The following SLC25A21 variants were observed in gnomAD, a reference collection of about 807,000 sequenced individuals.
The protein encoded by SLC25A21 is solute carrier family 25 member 21, also known as mitochondrial 2-oxodicarboxylate carrier.
A neutral mutation model predicts 43.8 loss-of-function variants in SLC25A21; 47 were observed. That is an observed-to-expected ratio of 1.07 (90% CI 0.85 to 1.37). The LOEUF is 1.37. SLC25A21 is among the 40% of genes most tolerant of loss of function. The probability of loss-of-function intolerance (pLI) is 0.00; values close to 1 mark genes in which losing one functional copy is unlikely to be tolerated. For synonymous variants in SLC25A21, 131 were observed against 121.3 expected (o/e 1.08, Z -0.52); for missense variants, 352 against 350.2 (o/e 1.00, Z -0.04).
At chr14:36,768,973 A>ATATCTATATCTG (rs1566593960) in intron 3 of SLC25A21, among the ~76,000 whole-genome samples, 6 of 148,470 alleles carry the variant, frequency 4.0e-5, no homozygotes, top group East Asian at 4.1e-4. Context: ...ATCTATATCT[A>ATATCTATATCTG]TATCTATATC....
chr14:36,750,742 T>G (rs148743055), intron 3 of SLC25A21, among the ~76,000 whole-genome samples: 1 of 152,318 alleles, frequency 6.6e-6, no homozygotes, highest in African/African-American at 2.4e-5. Context: ...TCTATCACGC[T>G]AATGAAGTAG....
chr14:36,701,872 C>G (rs1654942109), intron 7 of SLC25A21, among the ~76,000 whole-genome samples: 1 of 152,084 alleles, frequency 6.6e-6, no homozygotes, highest in Admixed American at 6.6e-5. Context: ...AACTAGCAAG[C>G]CAGGTTCCCA....
chr14:36,950,864 A>G (rs960573078), intron 1 of SLC25A21, among the ~76,000 whole-genome samples: 1 of 152,218 alleles, frequency 6.6e-6, no homozygotes, highest in Non-Finnish European at 1.5e-5. Flanking sequence ...CTAGCTGAAG[A>G]AATGAGCCAG....
At chr14:37,111,151 C>T (rs1294178553) in intron 1 of SLC25A21, among the ~76,000 whole-genome samples, 3 of 152,062 alleles carry the variant, frequency 2.0e-5, no homozygotes, top group Non-Finnish European at 4.4e-5. Flanking sequence ...GGTTTCTAAA[C>T]TTTTGTTAGA....
At chr14:37,154,005 C>T (rs1453321273) in intron 1 of SLC25A21, among the ~76,000 whole-genome samples, 3 of 152,174 alleles carry the variant, frequency 2.0e-5, no homozygotes, top group African/African-American at 4.8e-5. Context: ...ATTGAAAACA[C>T]ACTCTATGAC....
chr14:36,864,037 T>A (rs1209788625), intron 2 of SLC25A21, among the ~76,000 whole-genome samples: 2 of 152,206 alleles, frequency 1.3e-5, no homozygotes, highest in Non-Finnish European at 2.9e-5. Flanking sequence ...CTTCATAGGG[T>A]CATGGCCTAT....
chr14:37,077,761 T>C (rs1962310164), intron 1 of SLC25A21, among the ~76,000 whole-genome samples: 1 of 152,156 alleles, frequency 6.6e-6, no homozygotes, highest in Admixed American at 6.5e-5. Flanking sequence ...AGAATATTAA[T>C]ATAATGGTCA....
chr14:37,118,514 T>C (rs1035909403), intron 1 of SLC25A21, among the ~76,000 whole-genome samples: 5 of 152,214 alleles, frequency 3.3e-5, no homozygotes, highest in Non-Finnish European at 7.3e-5. Context: ...TCTTTCTCTA[T>C]TGCAGTTCCC....
intron 5 of SLC25A21, 114 bp downstream of exon 5, chr14:36,729,393 T>A (rs1884728726): frequency 2.5e-6 from 2 of 801,876 alleles, no homozygotes; most frequent in South Asian, 4.2e-5. Context: ...GAACACTGAA[T>A]AACTCGAATT....
At chr14:37,085,541 G>A (rs1594785586) in intron 1 of SLC25A21, among the ~76,000 whole-genome samples, 1 of 152,278 alleles carries the variant, frequency 6.6e-6, no homozygotes, top group East Asian at 1.9e-4. Flanking sequence ...TCTCAGCAGA[G>A]TATTTCCTGT....
chr14:37,147,845 T>TTTTC (rs1491155159), intron 1 of SLC25A21, among the ~76,000 whole-genome samples: 1 of 1,508 alleles, frequency 6.6e-4, no homozygotes, highest in South Asian at 0.25. Context: ...TTTTCTTTTC[T>TTTTC]TTTTTTTTTT....
chr14:36,856,947 C>G (rs1889918123), intron 2 of SLC25A21, among the ~76,000 whole-genome samples: 1 of 152,216 alleles, frequency 6.6e-6, no homozygotes, highest in African/African-American at 2.4e-5. Context: ...AAGCTCACTG[C>G]TGGTGCAAAA....
chr14:36,955,716 T>G (rs1354031901), intron 1 of SLC25A21, among the ~76,000 whole-genome samples: 2 of 146,294 alleles, frequency 1.4e-5, no homozygotes, highest in African/African-American at 5.0e-5. Flanking sequence ...AAGGAATACA[T>G]AGGCCTAAGG....
At position 36,684,878 on chromosome 14, in the gene SLC25A21, C is replaced by G. The variant is rs755075132; in HGVS notation, c.651G>C (p.Ser217=). Residue 217 remains serine, a synonymous_variant, in exon 8 of 10, where the codon TCG becomes TCC. Coordinates refer to ENST00000331299, the MANE Select transcript of SLC25A21 (RefSeq NM_030631.4). The part of the protein sequence containing the change: ...FWRKFGIGLL[S]GTIASVINIP... ...TGTTAATGACTGAGGCTATTGTCCC[C>G]GAGAGAAGACCAATCCCAAATTTTC... is the stretch of plus-strand genomic sequence containing the variant. The G allele has an allele frequency of 1.9e-6, 3 of 1,612,376 alleles. No homozygotes were observed. In the African/African-American group the frequency reaches 4.0e-5, roughly 22 times the overall value.
intron 4 of SLC25A21, among the ~76,000 whole-genome samples, chr14:36,730,589 T>C (rs1474120434): frequency 1.3e-5 from 2 of 152,238 alleles, no homozygotes; most frequent in African/African-American, 4.8e-5. Context: ...TCCTTATAGA[T>C]GGCTTCAGTG....
chr14:36,839,069 A>C (rs1889300740), intron 2 of SLC25A21, among the ~76,000 whole-genome samples: 1 of 152,218 alleles, frequency 6.6e-6, no homozygotes, highest in Non-Finnish European at 1.5e-5. Context: ...TGTTTCTTTT[A>C]AAGGAGTCAC....
At chr14:36,992,700 T>C (rs1398737781) in intron 1 of SLC25A21, among the ~76,000 whole-genome samples, 1 of 152,200 alleles carries the variant, frequency 6.6e-6, no homozygotes. Flanking sequence ...GGAACTTGTT[T>C]TGCCATAGAT....
chr14:37,020,386 T>TC (rs1345108799), intron 1 of SLC25A21, among the ~76,000 whole-genome samples: 1 of 151,410 alleles, frequency 6.6e-6, no homozygotes, highest in Non-Finnish European at 1.5e-5. Context: ...ACTTAGTATT[T>TC]CCCATTTAGA....
In SLC25A21 at chr14:36,894,395, C is replaced by G. The variant is rs1417568588; in HGVS notation, c.71-19391G>C. Among the ~76,000 whole-genome samples the G allele has an allele frequency of 3.9e-5, 6 of 152,226 alleles. No individual in the cohort carries two copies. In the South Asian group the frequency reaches 1.2e-3, roughly 32 times the overall value. ...GATTTTTGCACATGGATTTTGTATC[C>G]TGAGATTTTGCTGAATTTGCCTATC... On this transcript the variant is annotated intron_variant, in intron 1 of 9. Coordinates refer to ENST00000331299, the MANE Select transcript of SLC25A21 (RefSeq NM_030631.4).
Sources: gnomAD v4.1 joint callset for allele counts (sites outside exome capture counted in the v4.1 genomes callset) on GRCh38, gnomAD v4.1.1 for gene constraint, MANE v1.5 for transcripts, NCBI Gene and HGNC (gene_info 2026-07-23, HGNC 2026-07-21) for gene names.